GALNT7: variants seen among roughly 807,000 people sequenced by gnomAD.
GALNT7 encodes the protein polypeptide N-acetylgalactosaminyltransferase 7, also known as N-acetylgalactosaminyltransferase 7.
GALNT7 carries 60 observed loss-of-function variants against 82.1 expected under a neutral mutation model. That is an observed-to-expected ratio of 0.73 (90% CI 0.59 to 0.91). The LOEUF is 0.91. Ranked by LOEUF, GALNT7 falls within the 40% of genes least tolerant of loss-of-function variation. The pLI, the probability that GALNT7 is intolerant of heterozygous loss-of-function variation, is 0.00. For synonymous variants in GALNT7, 243 were observed against 275.1 expected (o/e 0.88, Z 1.15); for missense variants, 660 against 804.2 (o/e 0.82, Z 2.17).
At position 173,292,426 on chromosome 4, in the gene GALNT7, ATG is replaced by A. The variant is rs987238279; in HGVS notation, c.754+155_754+156del. 6 of 567,672 alleles carry A rather than the reference ATG, an allele frequency of 1.1e-5. No individual in the cohort carries two copies. The African/African-American group carries it at 1.1e-4, about 11-fold the overall frequency. 35.2% of individuals were successfully genotyped at this position (567,672 alleles called of 1,614,324 possible). On this transcript the variant is annotated intron_variant, in intron 3 of 11. Coordinates refer to ENST00000265000, the MANE Select transcript of GALNT7 (RefSeq NM_017423.3). This position sits in a 1 kb window ranked among gnomAD's most constrained non-coding sequence, Gnocchi z 4.8. ...AAGTTGACACTGTGCCAAGCATTGT[ATG>A]TGAGTTATTTTGTTTAATACTAACA...
chr4:173,286,331 T>C (rs759934231), intron 2 of GALNT7, among the ~76,000 whole-genome samples: 5 of 152,204 alleles, frequency 3.3e-5, no homozygotes, highest in Admixed American at 2.0e-4. Flanking sequence ...GTAGCAAAGC[T>C]TGATAGTTAA....
chr4:173,274,758 TCAC>T (rs569561130), intron 2 of GALNT7, among the ~76,000 whole-genome samples: 17 of 152,172 alleles, frequency 1.1e-4, no homozygotes, highest in Non-Finnish European at 2.2e-4. Context: ...AATAGCAAAA[TCAC>T]CATTTATTTG....
chr4:173,179,992 C>T (rs932328444), intron 1 of GALNT7, among the ~76,000 whole-genome samples: 1 of 152,058 alleles, frequency 6.6e-6, no homozygotes, highest in African/African-American at 2.4e-5. Context: ...TCCCTTACAA[C>T]CCTAGCATAA....
intron 1 of GALNT7, among the ~76,000 whole-genome samples, chr4:173,214,741 A>G (rs909661323): frequency 2.6e-5 from 4 of 152,140 alleles, no homozygotes; most frequent in African/African-American, 9.6e-5. Context: ...GAATGCCTTG[A>G]TGGAATCAAG....
chr4:173,176,304 G>A (rs895234900), intron 1 of GALNT7, among the ~76,000 whole-genome samples: 3 of 152,174 alleles, frequency 2.0e-5, no homozygotes, highest in Non-Finnish European at 2.9e-5. Flanking sequence ...TGAGTTTGGA[G>A]GTAGTACAGT....
At chr4:173,317,442 G>A in intron 9 of GALNT7, 192 bp from the exon 10 acceptor site, 1 of 506,576 alleles carries the variant, frequency 2.0e-6, no homozygotes, top group South Asian at 2.5e-5. Context: ...ACCCATTCCA[G>A]TGTTGACTTC....
chr4:173,169,818 C>T (rs1731793343), intron 1 of GALNT7, among the ~76,000 whole-genome samples: 1 of 151,958 alleles, frequency 6.6e-6, no homozygotes. Context: ...TTGGCTGCGG[C>T]AGGGCTGCTT....
chr4:173,311,515 T>C (rs6842693), intron 8 of GALNT7, among the ~76,000 whole-genome samples: 25,423 of 152,108 alleles, frequency 0.17, 4,394 homozygotes, highest in African/African-American at 0.44. Context: ...TATAGTGGAA[T>C]GCAAAGGGGG....
In GALNT7 at chr4:173,204,877, T is replaced by C. The variant is rs190213068; in HGVS notation, c.126+35916T>C. On this transcript the variant is annotated intron_variant, in intron 1 of 11. Transcript: ENST00000265000. Reference sequence around the variant, plus strand: ...ATTATGTCTCTTTGTTTTTCATGTTTTTTGTTGCTTTATGTTAATAATCTG... The same window carrying C: ...ATTATGTCTCTTTGTTTTTCATGTTCTTTGTTGCTTTATGTTAATAATCTG... Among the ~76,000 whole-genome samples, 15 of 152,314 alleles carry C rather than the reference T, an allele frequency of 9.8e-5. No homozygotes were observed. The East Asian group carries it at 2.9e-3, about 29-fold the overall frequency.
intron 2 of GALNT7, among the ~76,000 whole-genome samples, chr4:173,250,001 A>G (rs184345053): frequency 5.8e-4 from 88 of 152,266 alleles, no homozygotes; most frequent in Admixed American, 1.5e-3. Context: ...AAGGGAAGGG[A>G]CTTTCTGCTG....
rs537001986 is a variant in GALNT7, at chr4:173,242,446, T to C, written c.127-5534T>C. Among the ~76,000 whole-genome samples, 95 of 152,324 alleles carry C rather than the reference T, an allele frequency of 6.2e-4. 1 individual carries two copies. Among genetic ancestry groups the C allele is most frequent in the African/African-American group, 1.9e-3 (77 of 41,578 alleles). ...TTTCTAGTTTAGGGATATTAAAATATACTTGGAAATGGGTCCTTTCCTGTA... is the reference window on the plus strand; with the variant it reads ...TTTCTAGTTTAGGGATATTAAAATACACTTGGAAATGGGTCCTTTCCTGTA... On this transcript the variant is annotated intron_variant, in intron 1 of 11. Coordinates refer to ENST00000265000, the MANE Select transcript of GALNT7 (RefSeq NM_017423.3).
intron 1 of GALNT7, among the ~76,000 whole-genome samples, chr4:173,212,186 C>T (rs879940718): frequency 1.3e-5 from 2 of 152,154 alleles, no homozygotes; most frequent in Non-Finnish European, 2.9e-5. Flanking sequence ...AATGTTTGCT[C>T]TTTAACACTT....
At chr4:173,299,738 T>C (rs376863330) in intron 6 of GALNT7, among the ~76,000 whole-genome samples, 2 of 151,840 alleles carry the variant, frequency 1.3e-5, no homozygotes, top group South Asian at 2.1e-4. Context: ...CCCAGCTACT[T>C]GGGAGGCTGA....
At chr4:173,262,106 C>T (rs1223063652) in intron 2 of GALNT7, among the ~76,000 whole-genome samples, 1 of 152,028 alleles carries the variant, frequency 6.6e-6, no homozygotes, top group Non-Finnish European at 1.5e-5. Flanking sequence ...GTCTATGCCC[C>T]TGGGTTGTTT....
chr4:173,295,360 G>T, intron 3 of GALNT7, 36 bp from the exon 4 acceptor site: 1 of 1,393,296 alleles, frequency 7.2e-7, no homozygotes, highest in African/African-American at 1.4e-5. Flanking sequence ...GTTTCTATTC[G>T]TCTAATTTAT....
intron 2 of GALNT7, among the ~76,000 whole-genome samples, chr4:173,279,846 G>A (rs781312880): frequency 2.6e-5 from 4 of 151,984 alleles, no homozygotes; most frequent in South Asian, 2.1e-4. Context: ...GTGGTGGCGC[G>A]TACCTGTAGT....
intron 2 of GALNT7, among the ~76,000 whole-genome samples, chr4:173,273,632 C>T (rs956777442): frequency 1.3e-5 from 2 of 152,170 alleles, no homozygotes. Context: ...TGGGGTGGTG[C>T]GTTCATAGTG....
At chr4:173,183,113 A>G (rs1732322089) in intron 1 of GALNT7, among the ~76,000 whole-genome samples, 1 of 151,180 alleles carries the variant, frequency 6.6e-6, no homozygotes, top group African/African-American at 2.4e-5. Flanking sequence ...TGTGTACCTG[A>G]TACTTTTTAA....
At chr4:173,297,777 T>C (rs1736773099) in intron 5 of GALNT7, 3 of 1,299,706 alleles carry the variant, frequency 2.3e-6, no homozygotes, top group Admixed American at 3.4e-5. Flanking sequence ...GCTTTTTCAT[T>C]TTCTGTAAAT....
Sources: gnomAD v4.1 joint callset for allele counts (sites outside exome capture counted in the v4.1 genomes callset) on GRCh38, gnomAD v4.1.1 for gene constraint, Gnocchi (gnomAD v3.1) non-coding constraint, MANE v1.5 for transcripts, NCBI Gene and HGNC (gene_info 2026-07-23, HGNC 2026-07-21) for gene names.